MIR2052HG: variants seen among roughly 807,000 people sequenced by gnomAD.
MIR2052HG encodes the protein MIR2052 host gene.
intron 4 of MIR2052HG, among the ~76,000 whole-genome samples, chr8:74,729,426 T>G (rs1179237782): frequency 6.6e-6 from 1 of 152,214 alleles, no homozygotes; most frequent in African/African-American, 2.4e-5. Context: ...CCATTTAAAC[T>G]ATGACATGCT....
chr8:74,674,136 TTGTGTGTGTGTG>T (rs60255659), intron 2 of MIR2052HG, among the ~76,000 whole-genome samples: 1 of 145,336 alleles, frequency 6.9e-6, no homozygotes, highest in Non-Finnish European at 1.5e-5. Flanking sequence ...CCAGAGGTTT[TTGTGTGTGTGTG>T]TGTGTGTGTG....
chr8:74,648,582 C>T (rs192354098), intron 2 of MIR2052HG, among the ~76,000 whole-genome samples: 9 of 152,260 alleles, frequency 5.9e-5, no homozygotes, highest in East Asian at 1.9e-4. Context: ...GTCGCCATCA[C>T]GGTCCTACCA....
chr8:74,738,787 C>T (rs958561198), intron 4 of MIR2052HG, among the ~76,000 whole-genome samples: 25 of 152,172 alleles, frequency 1.6e-4, no homozygotes, highest in African/African-American at 6.0e-4. Flanking sequence ...AAAGTAGCTT[C>T]CTACAGTGGG....
chr8:74,620,612 TG>T (rs1720703978), intron 2 of MIR2052HG, among the ~76,000 whole-genome samples: 1 of 152,280 alleles, frequency 6.6e-6, no homozygotes, highest in Admixed American at 6.5e-5. Flanking sequence ...TGGCCTGAGC[TG>T]TATGCTGACC....
intron 2 of MIR2052HG, among the ~76,000 whole-genome samples, chr8:74,641,912 G>A (rs1223157979): frequency 6.6e-6 from 1 of 152,138 alleles, no homozygotes; most frequent in Non-Finnish European, 1.5e-5. Context: ...GCCCAGGGGA[G>A]GAAGATGGGG....
intron 4 of MIR2052HG, among the ~76,000 whole-genome samples, chr8:74,719,267 C>G (rs1586922678): frequency 6.6e-6 from 1 of 152,000 alleles, no homozygotes; most frequent in African/African-American, 2.4e-5. Context: ...CATCTGCATC[C>G]CCTCCAACAC....
intron 4 of MIR2052HG, among the ~76,000 whole-genome samples, chr8:74,736,947 C>G (rs753551076): frequency 2.6e-5 from 4 of 152,134 alleles, no homozygotes; most frequent in Non-Finnish European, 4.4e-5. Flanking sequence ...GAACCTAAGG[C>G]TGTTTCACGC....
At chr8:74,652,822 T>C (rs967038482) in intron 2 of MIR2052HG, among the ~76,000 whole-genome samples, 1 of 152,148 alleles carries the variant, frequency 6.6e-6, no homozygotes, top group Non-Finnish European at 1.5e-5. Flanking sequence ...TATGCTTTGA[T>C]GATGGAGTGA....
intron 2 of MIR2052HG, among the ~76,000 whole-genome samples, chr8:74,623,102 C>T (rs764793519): frequency 2.6e-5 from 4 of 152,102 alleles, no homozygotes; most frequent in Non-Finnish European, 5.9e-5. Context: ...TTAACAGCAA[C>T]CTAGTGTATA....
At chr8:74,643,235 C>T (rs1243541919) in intron 2 of MIR2052HG, among the ~76,000 whole-genome samples, 2 of 152,186 alleles carry the variant, frequency 1.3e-5, no homozygotes, top group Non-Finnish European at 2.9e-5. Flanking sequence ...GTTTTTACTA[C>T]CAGCTCTGCC....
intron 2 of MIR2052HG, among the ~76,000 whole-genome samples, chr8:74,662,586 A>G (rs1808877086): frequency 6.6e-6 from 1 of 152,008 alleles, no homozygotes; most frequent in Non-Finnish European, 1.5e-5. Flanking sequence ...AAAATAAAAG[A>G]AAAAAAAGAA....
intron 1 of MIR2052HG, among the ~76,000 whole-genome samples, chr8:74,600,406 A>G (rs1198753022): frequency 6.6e-6 from 1 of 151,000 alleles, no homozygotes; most frequent in Non-Finnish European, 1.5e-5. Context: ...CAACATGGAG[A>G]AACCCCGTTT....
intron 1 of MIR2052HG, chr8:74,609,918 C>A (rs1276081834): frequency 2.0e-5 from 3 of 151,310 alleles, no homozygotes; most frequent in African/African-American, 7.3e-5. Context: ...TTACTCTCAT[C>A]CTTTGTATTT....
Position 74,681,071 on chromosome 8 carries a change from G to T in MIR2052HG, n.217-21308G>T, listed in dbSNP as rs987671805. Among the ~76,000 whole-genome samples, 26 of 113,844 alleles carry T rather than the reference G, an allele frequency of 2.3e-4. No individual in the cohort carries two copies. In the East Asian group the frequency reaches 7.8e-3, roughly 34 times the overall value. 74.7% of individuals were successfully genotyped at this position (113,844 alleles called of 152,430 possible). A position where few individuals can be genotyped will look rare whatever the true frequency, so the allele number is the denominator to read the frequency against. ...CACTCTGGGGACTGTTGTGGGGTGG[G>T]GGGAGGGGGGAGGGATAGCATTGGG... On this transcript the variant is annotated intron_variant and non_coding_transcript_variant, in intron 2 of 6. Coordinates refer to ENST00000523442, the Ensembl canonical transcript of MIR2052HG.
chr8:74,625,950 C>G (rs547361291), intron 2 of MIR2052HG, among the ~76,000 whole-genome samples: 17 of 152,180 alleles, frequency 1.1e-4, no homozygotes, highest in Non-Finnish European at 2.4e-4. Flanking sequence ...GGTAAATTAG[C>G]CAAAATGCAA....
intron 2 of MIR2052HG, among the ~76,000 whole-genome samples, chr8:74,694,701 G>A (rs1809278021): frequency 6.6e-6 from 1 of 152,136 alleles, no homozygotes; most frequent in Non-Finnish European, 1.5e-5. Context: ...ATATACACTG[G>A]AAAGTCTCAA....
chr8:74,726,149 C>T (rs1028430263), intron 4 of MIR2052HG, among the ~76,000 whole-genome samples: 50 of 151,974 alleles, frequency 3.3e-4, no homozygotes, highest in African/African-American at 1.1e-3. Context: ...GCCAAAATCG[C>T]GCCATTGCAC....
chr8:74,639,105 G>A (rs1427265956), intron 2 of MIR2052HG, among the ~76,000 whole-genome samples: 1 of 152,168 alleles, frequency 6.6e-6, no homozygotes, highest in African/African-American at 2.4e-5. Flanking sequence ...AAATAGGTTT[G>A]AGTAGCCTTG....
intron 2 of MIR2052HG, among the ~76,000 whole-genome samples, chr8:74,693,629 A>C (rs1809265680): frequency 6.6e-6 from 1 of 150,816 alleles, no homozygotes; most frequent in Non-Finnish European, 1.5e-5. Flanking sequence ...AGGGGTGGGA[A>C]TGGTGGGAAT....
Sources: allele counts gnomAD v4.1 joint callset (sites outside exome capture counted in the v4.1 genomes callset), GRCh38; gene constraint gnomAD v4.1.1; transcripts MANE v1.5; gene names NCBI Gene and HGNC (gene_info 2026-07-23, HGNC 2026-07-21).